PTGES3: variants seen among roughly 807,000 people sequenced by gnomAD.
The protein encoded by PTGES3 is Hsp90 co-chaperone.
PTGES3 carries 5 observed loss-of-function variants against 29.9 expected under a neutral mutation model. That is an observed-to-expected ratio of 0.17 (90% CI 0.09 to 0.35). The LOEUF (loss-of-function observed/expected upper bound fraction) is 0.35. Ranked by LOEUF, PTGES3 falls within the 10% of genes least tolerant of loss-of-function variation. The pLI is 1.00. For missense variants in PTGES3, 128 were observed against 190.0 expected (o/e 0.67, Z 1.92); for synonymous variants, 49 against 57.8 (o/e 0.85, Z 0.69).
chr12:56,685,681 T>C (rs1226563407), intron 1 of PTGES3, among the ~76,000 whole-genome samples: 1 of 150,514 alleles, frequency 6.6e-6, no homozygotes, highest in East Asian at 2.0e-4. Flanking sequence ...ATTACAGGAG[T>C]GAGCCACCCC....
intron 1 of PTGES3, among the ~76,000 whole-genome samples, chr12:56,678,908 G>C (rs943701087): frequency 6.6e-6 from 1 of 152,150 alleles, no homozygotes; most frequent in Non-Finnish European, 1.5e-5. Flanking sequence ...TTTTGGGCCA[G>C]GAGTTCAAGA....
At position 56,688,112 on chromosome 12, in the gene PTGES3, G is replaced by T; in HGVS notation, c.-113C>A. 1 of 1,426,286 alleles carries T rather than the reference G, an allele frequency of 7.0e-7. No individual in the cohort carries two copies. The highest frequency in any genetic ancestry group is 2.9e-5 in the Admixed American group (1 of 34,906). The allele number at this position is 1,426,286 out of a possible 1,614,324, so 88.4% of individuals were successfully genotyped here. On this transcript the variant is annotated 5_prime_UTR_variant, in exon 1 of 8. Transcript: ENST00000262033. ...GACTCCGCTTTTTCTCTCCGGTCGCGGCCTCTTCTCGCTTCCCTCAGGCGA... is the reference window on the plus strand; with the variant it reads ...GACTCCGCTTTTTCTCTCCGGTCGCTGCCTCTTCTCGCTTCCCTCAGGCGA...
chr12:56,672,225 CG>C (rs1276314099), intron 3 of PTGES3, among the ~76,000 whole-genome samples: 1 of 152,092 alleles, frequency 6.6e-6, no homozygotes, highest in African/African-American at 2.4e-5. Flanking sequence ...AAGCCTTGGC[CG>C]GGCGCAGTGG....
chr12:56,676,042 C>T (rs867810094), intron 1 of PTGES3, among the ~76,000 whole-genome samples: 2 of 151,354 alleles, frequency 1.3e-5, no homozygotes, highest in Non-Finnish European at 2.9e-5. Flanking sequence ...GTCTGACCAA[C>T]GTGGAGAAAC....
At chr12:56,682,763 A>C (rs556355653) in intron 1 of PTGES3, among the ~76,000 whole-genome samples, 1 of 150,922 alleles carries the variant, frequency 6.6e-6, no homozygotes, top group African/African-American at 2.4e-5. Context: ...TCACACCTGT[A>C]ATCCTAGCAC....
rs1157864479 is a variant in PTGES3 at position 56,666,168 on chromosome 12, A to G, written c.438+36T>C. ...ATGTTGTTTCTTACTATTTAATAGT[A>G]TGAAAGTAAACAGAAAAAAGAATTT... On this transcript the variant is annotated intron_variant, in intron 6 of 7. Transcript: ENST00000262033. 3.8e-6 allele frequency: 6 copies of G among 1,574,938 alleles called. No individual in the cohort carries two copies. In the Admixed American group the frequency reaches 9.1e-5, roughly 24 times the overall value.
At chr12:56,687,511 G>A (rs1005208052) in intron 1 of PTGES3, 10 of 998,446 alleles carry the variant, frequency 1.0e-5, no homozygotes, top group African/African-American at 1.7e-5. Flanking sequence ...AGCTCACGGC[G>A]AGGTCCGCGT....
intron 1 of PTGES3, among the ~76,000 whole-genome samples, chr12:56,682,815 G>A (rs1327970432): frequency 6.6e-6 from 1 of 150,654 alleles, no homozygotes; most frequent in South Asian, 2.1e-4. Context: ...GCAAAACGGC[G>A]AAACCCCATT....
intron 1 of PTGES3, among the ~76,000 whole-genome samples, chr12:56,679,694 C>T (rs1379406056): frequency 6.6e-6 from 1 of 151,874 alleles, no homozygotes; most frequent in Non-Finnish European, 1.5e-5. Context: ...TAGACGGAGT[C>T]TCACTCTGTC....
Position 56,664,249 on chromosome 12 carries a change from AT to A in PTGES3, c.*229del, listed in dbSNP as rs1285388071. Reference sequence around the variant, plus strand: ...CAACAGCTTCATGAAAGTCTGGGAAATGTTCATGCATAAGGTTATTGCCTTA... The same window carrying A: ...CAACAGCTTCATGAAAGTCTGGGAAAGTTCATGCATAAGGTTATTGCCTTA... On this transcript the variant is annotated 3_prime_UTR_variant, in exon 8 of 8. Coordinates refer to ENST00000262033, the MANE Select transcript of PTGES3 (RefSeq NM_006601.7). 4.8e-6 allele frequency: 2 copies of A among 418,586 alleles called. No homozygotes were observed. Among genetic ancestry groups the A allele is most frequent in the African/African-American group, 4.2e-5 (2 of 47,136 alleles). The allele number at this position is 418,586 out of a possible 1,614,324, so 25.9% of individuals were successfully genotyped here. A position where few individuals can be genotyped will look rare whatever the true frequency, so the allele number is the denominator to read the frequency against.
rs774093701 is a variant in PTGES3, at chr12:56,672,730, G to C, written c.186+10C>G. ...ACTAAAATTTGGATTAAAGCATAAA[G>C]ACTACTTACATTTGGATCAATACAG... On this transcript the variant is annotated intron_variant, in intron 3 of 7. Coordinates refer to ENST00000262033, the MANE Select transcript of PTGES3 (RefSeq NM_006601.7). 2.6e-6 allele frequency: 4 copies of C among 1,545,822 alleles called. No homozygotes were observed. The South Asian group carries it at 3.7e-5, about 14-fold the overall frequency.
chr12:56,665,664 T>C (rs1313005922), intron 6 of PTGES3: 2 of 981,014 alleles, frequency 2.0e-6, no homozygotes, highest in Non-Finnish European at 2.4e-6. Flanking sequence ...CTTTTTGAGA[T>C]GGAGCCTCGC....
In PTGES3 at chr12:56,681,109, C is replaced by CA. The variant is rs199742462; in HGVS notation, c.2+6888dup. 3.5e-3 allele frequency among the ~76,000 whole-genome samples: 535 copies of CA among 152,072 alleles called. 4 individuals carry two copies. The highest frequency in any genetic ancestry group is 0.013 in the African/African-American group (526 of 41,498). On this transcript the variant is annotated intron_variant, in intron 1 of 7. Coordinates refer to ENST00000262033, the MANE Select transcript of PTGES3 (RefSeq NM_006601.7). ...GTTGTGTTTTGTTTTTTTGTTTGGA[C>CA]AGAGTTTTTGCTCTTGTTGTCCAGA...
intron 7 of PTGES3, 37 bp downstream of exon 7, chr12:56,664,739 G>T: frequency 6.4e-7 from 1 of 1,565,906 alleles, no homozygotes; most frequent in South Asian, 1.2e-5. Flanking sequence ...TTGATGCAAA[G>T]TATCACTGTA....
At chr12:56,686,876 AAG>A in intron 1 of PTGES3, 1 of 342,078 alleles carries the variant, frequency 2.9e-6, no homozygotes, top group East Asian at 4.0e-5. Flanking sequence ...TACTTTTCCA[AAG>A]ACATAAAGTC....
intron 1 of PTGES3, among the ~76,000 whole-genome samples, chr12:56,679,688 C>T (rs1358091247): frequency 5.9e-5 from 9 of 151,846 alleles, no homozygotes; most frequent in South Asian, 2.1e-4. Flanking sequence ...TTTTTTTAGA[C>T]GGAGTCTCAC....
At chr12:56,687,742 G>A in intron 1 of PTGES3, 9 of 1,373,658 alleles carry the variant, frequency 6.6e-6, no homozygotes, top group Non-Finnish European at 6.6e-6. Flanking sequence ...AACCCAGACA[G>A]CCAAAGGGGT....
In PTGES3 at chr12:56,672,849, G is replaced by A. The variant is rs777529682; in HGVS notation, c.117-40C>T. 21 of 1,547,530 alleles carry A rather than the reference G, an allele frequency of 1.4e-5. 1 individual carries two copies. The Middle Eastern group carries it at 2.1e-3, about 153-fold the overall frequency. The stretch of plus-strand genomic sequence containing the variant: ...AAAGAAAGAATTAAGCCTCTTCAAA[G>A]AGACAAAGATTAATAATAACTTCAA... On this transcript the variant is annotated intron_variant, in intron 2 of 7. Transcript: ENST00000262033.
Position 56,688,109 on chromosome 12 carries a change from C to T in PTGES3, c.-110G>A, listed in dbSNP as rs1436459780. 9 of 1,426,084 alleles carry T rather than the reference C, an allele frequency of 6.3e-6. No homozygotes were observed. The highest frequency in any genetic ancestry group is 2.8e-5 in the East Asian group (1 of 35,770). 88.3% of individuals were successfully genotyped at this position (1,426,084 alleles called of 1,614,324 possible). On this transcript the variant is annotated 5_prime_UTR_variant, in exon 1 of 8. Transcript: ENST00000262033. ...GGCGACTCCGCTTTTTCTCTCCGGT[C>T]GCGGCCTCTTCTCGCTTCCCTCAGG... is the stretch of plus-strand genomic sequence containing the variant.
Sources: allele counts gnomAD v4.1 joint callset (sites outside exome capture counted in the v4.1 genomes callset), GRCh38; gene constraint gnomAD v4.1.1; transcripts MANE v1.5; gene names NCBI Gene and HGNC (gene_info 2026-07-23, HGNC 2026-07-21).